Variants in ESF1 observed in about 807,000 individuals in gnomAD.
ESF1 encodes the protein ESF1 homolog.
Under a neutral mutation model 92.0 loss-of-function variants are expected in ESF1, and 58 were observed. The ratio of observed to expected loss-of-function variants is 0.63; its 90% CI spans 0.51 to 0.78. The LOEUF is 0.78. Among genes scored for constraint, ESF1 ranks in the 30% least tolerant of loss-of-function variants. ESF1 has a pLI of 0.00. For synonymous variants in ESF1, 321 were observed against 313.7 expected (o/e 1.02, Z -0.24); for missense variants, 922 against 989.1 (o/e 0.93, Z 0.91).
chr20:13,771,529 A>G, intron 5 of ESF1, 46 bp from the exon 6 acceptor site: 1 of 1,472,462 alleles, frequency 6.8e-7, no homozygotes, highest in Non-Finnish European at 9.3e-7. Flanking sequence ...AGAAACACAA[A>G]AATTTCCCTT....
intron 13 of ESF1, among the ~76,000 whole-genome samples, chr20:13,716,634 T>C (rs2049827249): frequency 6.7e-6 from 1 of 149,458 alleles, no homozygotes; most frequent in South Asian, 2.1e-4. Context: ...GACATTTTCT[T>C]TTTTTTTCTT....
intron 10 of ESF1, among the ~76,000 whole-genome samples, chr20:13,730,627 G>A (rs1033919791): frequency 9.9e-5 from 15 of 151,490 alleles, no homozygotes; most frequent in Non-Finnish European, 1.8e-4. Flanking sequence ...CTTGTGATCC[G>A]CCCGCCTCGG....
At chr20:13,739,883 C>T (rs2050000025) in intron 9 of ESF1, among the ~76,000 whole-genome samples, 1 of 152,124 alleles carries the variant, frequency 6.6e-6, no homozygotes, top group Admixed American at 6.5e-5. Flanking sequence ...GAAGCCTGAT[C>T]ACGGTGGGAG....
At position 13,772,551 on chromosome 20, in the gene ESF1, A is replaced by T; in HGVS notation, c.1214T>A (p.Leu405Gln). The change falls in exon 5 of 14, where the codon CTA (leucine) becomes CAA (glutamine). Residue 405 changes from leucine to glutamine, a missense_variant. By Grantham distance (113) the Leu-to-Gln change is moderately radical. Transcript: ENST00000617257. The part of the protein sequence containing the change: ...KEEQVQGPVE[L>Q]LSIPEDAPEK... ...TGGGGCATCTTCAGGAATACTTAAT[A>T]GCTCTACTGGTCCTTGAACTTGCTC... 1 of 1,613,040 alleles carries T rather than the reference A, an allele frequency of 6.2e-7. No individual in the cohort carries two copies. Among genetic ancestry groups the T allele is most frequent in the Non-Finnish European group, 8.5e-7 (1 of 1,179,470 alleles).
chr20:13,783,524 A>C (rs1980367373), intron 1 of ESF1, among the ~76,000 whole-genome samples: 1 of 152,188 alleles, frequency 6.6e-6, no homozygotes, highest in Non-Finnish European at 1.5e-5. Context: ...TTACTAATTG[A>C]AGGCAAATGT....
intron 9 of ESF1, among the ~76,000 whole-genome samples, chr20:13,748,471 T>TATATACAC (rs755477826): frequency 6.9e-5 from 10 of 144,992 alleles, no homozygotes; most frequent in African/African-American, 2.4e-4. Flanking sequence ...TATATACACA[T>TATATACAC]ATATACACAT....
intron 8 of ESF1, among the ~76,000 whole-genome samples, chr20:13,764,440 T>A (rs913703610): frequency 1.3e-5 from 2 of 152,116 alleles, no homozygotes; most frequent in African/African-American, 4.8e-5. Flanking sequence ...AAAGAGCATA[T>A]ACATTTAAAA....
At chr20:13,780,507 T>C (rs573746488) in intron 2 of ESF1, among the ~76,000 whole-genome samples, 3 of 152,278 alleles carry the variant, frequency 2.0e-5, no homozygotes, top group South Asian at 4.1e-4. Context: ...AAATGTAAAA[T>C]GGGATACCAC....
rs1040642854 is a variant in ESF1 at position 13,775,346 on chromosome 20, G to A, written c.1036-76C>T. 5 of 943,628 alleles carry A rather than the reference G, an allele frequency of 5.3e-6. No individual in the cohort carries two copies. In the Admixed American group the frequency reaches 1.2e-4, roughly 22 times the overall value. The allele number at this position is 943,628 out of a possible 1,614,324, so 58.5% of individuals were successfully genotyped here. ...CTTGAAAAATAAAGATTCTAAAAAT[G>A]TAATGCCTTCTGTCCCCTATGCTCT... is the stretch of plus-strand genomic sequence containing the variant. On this transcript the variant is annotated intron_variant, in intron 3 of 13. Transcript: ENST00000617257.
intron 9 of ESF1, among the ~76,000 whole-genome samples, chr20:13,756,620 G>T (rs1267808821): frequency 6.6e-6 from 1 of 152,198 alleles, no homozygotes; most frequent in African/African-American, 2.4e-5. Flanking sequence ...TAACATCCCA[G>T]ATACTTGGCA....
chr20:13,770,699 T>C (rs1382941330), intron 6 of ESF1, among the ~76,000 whole-genome samples: 4 of 152,180 alleles, frequency 2.6e-5, no homozygotes, highest in South Asian at 2.1e-4. Context: ...GTAAGCATTG[T>C]GAATACAAAG....
At chr20:13,771,293 A>C in intron 6 of ESF1, 38 bp downstream of exon 6, 1 of 1,537,610 alleles carries the variant, frequency 6.5e-7, no homozygotes. Context: ...ATCATGTTGT[A>C]CTAAAAGATT....
chr20:13,773,121 C>T (rs988349338), intron 4 of ESF1, among the ~76,000 whole-genome samples: 1 of 152,060 alleles, frequency 6.6e-6, no homozygotes, highest in East Asian at 1.9e-4. Context: ...GGTATAGTCT[C>T]GATATAAGAA....
chr20:13,733,612 C>T, intron 10 of ESF1, 109 bp downstream of exon 10: 1 of 1,161,416 alleles, frequency 8.6e-7, no homozygotes. Context: ...GATAACAAGG[C>T]CTACTTCAGT....
intron 2 of ESF1, among the ~76,000 whole-genome samples, chr20:13,777,476 A>G (rs1328219295): frequency 6.6e-6 from 1 of 152,240 alleles, no homozygotes; most frequent in African/African-American, 2.4e-5. Flanking sequence ...AGTATCAATA[A>G]TAAGAGTGTA....
chr20:13,779,572 TTGC>T, intron 2 of ESF1, among the ~76,000 whole-genome samples: 1 of 152,244 alleles, frequency 6.6e-6, no homozygotes, highest in Admixed American at 6.5e-5. Context: ...TCTTGCTCTG[TTGC>T]CCAGGCTGGA....
intron 9 of ESF1, among the ~76,000 whole-genome samples, chr20:13,747,759 C>T (rs76600706): frequency 6.6e-6 from 1 of 152,086 alleles, no homozygotes; most frequent in African/African-American, 2.4e-5. Flanking sequence ...AGTATACTTA[C>T]ATAAACCTAG....
chr20:13,752,746 G>T (rs1978697057), intron 9 of ESF1, among the ~76,000 whole-genome samples: 1 of 152,206 alleles, frequency 6.6e-6, no homozygotes, highest in African/African-American at 2.4e-5. Flanking sequence ...ACTGAACAGA[G>T]AAATGGAGAT....
At chr20:13,745,009 A>T (rs6105160) in intron 9 of ESF1, among the ~76,000 whole-genome samples, 52,752 of 152,116 alleles carry the variant, frequency 0.35, 9,380 homozygotes, top group Middle Eastern at 0.49. Context: ...AGAGTCTGGT[A>T]TACAGTAGGA....
Sources: allele counts gnomAD v4.1 joint callset (sites outside exome capture counted in the v4.1 genomes callset), GRCh38; gene constraint gnomAD v4.1.1; transcripts MANE v1.5; gene names NCBI Gene and HGNC (gene_info 2026-07-23, HGNC 2026-07-21).